The following CSMD1 variants were observed in gnomAD, a reference collection of about 807,000 sequenced individuals.
CSMD1 encodes CUB and sushi domain-containing protein 1.
CSMD1 carries 213 observed loss-of-function variants against 417.5 expected under a neutral mutation model. The observed-to-expected ratio is 0.51, with a 90% CI of 0.46 to 0.57. The LOEUF (loss-of-function observed/expected upper bound fraction) is 0.57. CSMD1 is among the 20% of genes least tolerant of loss of function. CSMD1 has a pLI of 0.00. For missense variants in CSMD1, 6,923 were observed against 4,529.7 expected (o/e 1.53, Z -15.17); for synonymous variants, 2,862 against 1,736.8 (o/e 1.65, Z -16.11).
intron 3 of CSMD1, among the ~76,000 whole-genome samples, chr8:4,230,053 G>T (rs557195046): frequency 4.6e-5 from 7 of 152,096 alleles, no homozygotes; most frequent in Admixed American, 6.6e-5. Context: ...TCTTACGTGC[G>T]TGCGTGCACT....
intron 1 of CSMD1, among the ~76,000 whole-genome samples, chr8:4,794,361 G>A (rs1206705534): frequency 1.3e-5 from 2 of 152,056 alleles, no homozygotes; most frequent in Admixed American, 1.3e-4. Context: ...TCATATAGGA[G>A]GGATTTCTTT....
At chr8:4,673,488 G>C (rs1184674465) in intron 1 of CSMD1, among the ~76,000 whole-genome samples, 2 of 152,112 alleles carry the variant, frequency 1.3e-5, no homozygotes, top group Admixed American at 1.3e-4. Context: ...CTCAGGAAAT[G>C]ATTGCTATGT....
intron 3 of CSMD1, among the ~76,000 whole-genome samples, chr8:4,242,851 A>G (rs1430821656): frequency 1.3e-5 from 2 of 152,240 alleles, no homozygotes; most frequent in Non-Finnish European, 2.9e-5. Flanking sequence ...GTCACTAGGT[A>G]AATTAGATTA....
chr8:3,182,019 C>A (rs868112025), intron 36 of CSMD1, among the ~76,000 whole-genome samples: 12 of 152,258 alleles, frequency 7.9e-5, no homozygotes, highest in Middle Eastern at 3.4e-3. Flanking sequence ...TAAAAACATT[C>A]TCTAAATTGG....
At chr8:3,193,875 C>G (rs1563130562) in intron 33 of CSMD1, among the ~76,000 whole-genome samples, 1 of 152,150 alleles carries the variant, frequency 6.6e-6, no homozygotes, top group Non-Finnish European at 1.5e-5. Context: ...CACAAATGCT[C>G]TAAGCTACAG....
intron 23 of CSMD1, among the ~76,000 whole-genome samples, chr8:3,342,473 T>G (rs938245557): frequency 6.6e-6 from 1 of 152,216 alleles, no homozygotes; most frequent in Non-Finnish European, 1.5e-5. Flanking sequence ...TTTATATACT[T>G]TAAACATTTT....
chr8:3,717,685 T>C (rs751693850), intron 6 of CSMD1, among the ~76,000 whole-genome samples: 7 of 152,202 alleles, frequency 4.6e-5, no homozygotes, highest in African/African-American at 2.4e-5. Context: ...TATAAGTTGA[T>C]AGGTGAAGAC....
intron 19 of CSMD1, among the ~76,000 whole-genome samples, chr8:3,367,899 G>T (rs1269889905): frequency 6.6e-6 from 1 of 152,104 alleles, no homozygotes; most frequent in Admixed American, 6.5e-5. Context: ...GAGGGACAAA[G>T]GACCAGACAA....
intron 3 of CSMD1, among the ~76,000 whole-genome samples, chr8:4,335,039 C>A (rs961502699): frequency 6.6e-6 from 1 of 152,052 alleles, no homozygotes; most frequent in African/African-American, 2.4e-5. Flanking sequence ...GTAGCTGGGA[C>A]CACAGATGCA....
intron 5 of CSMD1, among the ~76,000 whole-genome samples, chr8:3,892,756 A>G (rs926861940): frequency 5.7e-5 from 8 of 139,532 alleles, no homozygotes; most frequent in African/African-American, 2.1e-4. Context: ...TGCATTATGA[A>G]GTTATTGCTA....
chr8:3,711,759 C>A lies in CSMD1; in HGVS notation c.932-3268G>T, dbSNP rs76372846. Among the ~76,000 whole-genome samples the A allele has an allele frequency of 1.9e-3, 292 of 152,286 alleles. 4 individuals are homozygous for A. In the East Asian group the frequency reaches 0.045, roughly 23 times the overall value. On this transcript the variant is annotated intron_variant, in intron 6 of 69. Transcript: ENST00000635120. ...ATGGCAAACGTATCACCCCCACTAT[C>A]TTGTGCTGAAATAACTTTATCTTGA...
intron 26 of CSMD1, among the ~76,000 whole-genome samples, chr8:3,234,553 A>G (rs952115613): frequency 6.6e-6 from 1 of 152,170 alleles, no homozygotes; most frequent in African/African-American, 2.4e-5. Flanking sequence ...CGGGAATGAC[A>G]ATAGGAGTTA....
intron 2 of CSMD1, among the ~76,000 whole-genome samples, chr8:4,544,412 C>T (rs1371761552): frequency 6.6e-6 from 1 of 151,890 alleles, no homozygotes; most frequent in African/African-American, 2.4e-5. Context: ...ATAAAAATTA[C>T]AGTAGTTATA....
chr8:3,087,675 G>A (rs1380633727), intron 48 of CSMD1, among the ~76,000 whole-genome samples: 1 of 152,194 alleles, frequency 6.6e-6, no homozygotes, highest in Non-Finnish European at 1.5e-5. Context: ...ATCTTATAAT[G>A]TTTTAAGAAA....
At chr8:4,466,168 G>A (rs1055381151) in intron 2 of CSMD1, among the ~76,000 whole-genome samples, 2 of 152,152 alleles carry the variant, frequency 1.3e-5, no homozygotes, top group Non-Finnish European at 2.9e-5. Context: ...TTACTCCGTG[G>A]TCTTAAGAGC....
chr8:4,892,428 G>A (rs1478879599), intron 1 of CSMD1, among the ~76,000 whole-genome samples: 1 of 151,918 alleles, frequency 6.6e-6, no homozygotes, highest in Non-Finnish European at 1.5e-5. Context: ...TCCCTCTACT[G>A]CAAATAGAGA....
chr8:4,994,550 C>A lies in CSMD1; in HGVS notation c.-134G>T. 1 of 765,586 alleles carries A rather than the reference C, an allele frequency of 1.3e-6. No individual in the cohort carries two copies. The highest frequency in any genetic ancestry group is 2.2e-6 in the Non-Finnish European group (1 of 464,882). The allele number at this position is 765,586 out of a possible 1,614,324, so 47.4% of individuals were successfully genotyped here. A position where few individuals can be genotyped will look rare whatever the true frequency, so the allele number is the denominator to read the frequency against. ...CCCGGTCCCAAGACCCGCCGCGCAT[C>A]CGACGCCTCCTGAAGGTCTGGGCGC... On this transcript the variant is annotated 5_prime_UTR_variant, in exon 1 of 70. Coordinates refer to ENST00000635120, the MANE Select transcript of CSMD1 (RefSeq NM_033225.6).
intron 3 of CSMD1, among the ~76,000 whole-genome samples, chr8:4,296,697 T>G (rs1270743373): frequency 5.9e-4 from 2 of 3,368 alleles, no homozygotes; most frequent in African/African-American, 1.5e-3. Context: ...AAAATAAGGG[T>G]TTTTTTTTTT....
intron 1 of CSMD1, among the ~76,000 whole-genome samples, chr8:4,782,508 G>C (rs1797205913): frequency 6.6e-6 from 1 of 152,058 alleles, no homozygotes; most frequent in South Asian, 2.1e-4. Flanking sequence ...GTAGATTTTG[G>C]TCTATCCATA....
Sources: allele counts gnomAD v4.1 joint callset (sites outside exome capture counted in the v4.1 genomes callset), GRCh38; gene constraint gnomAD v4.1.1; transcripts MANE v1.5; gene names NCBI Gene and HGNC (gene_info 2026-07-23, HGNC 2026-07-21).